Variants in USP34 observed in about 807,000 individuals in gnomAD.
USP34 encodes ubiquitin specific peptidase 34, also known as ubiquitin carboxyl-terminal hydrolase 34.
A neutral mutation model predicts 460.3 loss-of-function variants in USP34; 70 were observed. The ratio of observed to expected loss-of-function variants is 0.15; its 90% confidence interval spans 0.13 to 0.19. USP34 has a LOEUF of 0.19. Among genes scored for constraint, USP34 ranks in the 10% least tolerant of loss-of-function variants. The probability of loss-of-function intolerance (pLI) is 1.00; values close to 1 mark genes in which losing one functional copy is unlikely to be tolerated. For missense variants in USP34, 3,985 were observed against 4,236.2 expected, an observed-to-expected ratio of 0.94 and a Z score of 1.65; for synonymous variants, 1,647 against 1,405.3, an observed-to-expected ratio of 1.17 and a Z score of -3.85.
chr2:61,424,224 C>T (rs138291157), intron 1 of USP34, among the ~76,000 whole-genome samples: 302 of 152,254 alleles, frequency 2.0e-3, no homozygotes, highest in Non-Finnish European at 3.3e-3. Context: ...TCCCATTGCT[C>T]CTAGGCTACA....
intron 7 of USP34, among the ~76,000 whole-genome samples, chr2:61,379,039 G>A (rs1364065065): frequency 6.7e-6 from 1 of 149,886 alleles, no homozygotes; most frequent in Non-Finnish European, 1.5e-5. Flanking sequence ...TAACGCAAGA[G>A]AGCAAGTAAT....
At chr2:61,232,355 A>T in intron 58 of USP34, 97 bp downstream of exon 58, 2 of 1,008,426 alleles carry the variant, frequency 2.0e-6, no homozygotes, top group Non-Finnish European at 3.0e-6. Flanking sequence ...ACTATTATCA[A>T]TATTAGGTTA....
In USP34 at chr2:61,229,643, A is replaced by C; in HGVS notation, c.7114-10T>G. On this transcript the variant is annotated splice_polypyrimidine_tract_variant and intron_variant, in intron 58 of 79. Coordinates refer to ENST00000398571, the MANE Select transcript of USP34 (RefSeq NM_014709.4). ...ACAAACGCTGAAACATCTGTGAAGA[A>C]AGAAAAAGATCAAACAAGAGCCAAC... 2 of 1,609,116 alleles carry C rather than the reference A, an allele frequency of 1.2e-6. No individual in the cohort carries two copies. Among genetic ancestry groups the C allele is most frequent in the East Asian group, 2.2e-5 (1 of 44,786 alleles).
chr2:61,419,543 G>A (rs568200211), intron 2 of USP34, among the ~76,000 whole-genome samples: 1 of 152,022 alleles, frequency 6.6e-6, no homozygotes, highest in Non-Finnish European at 1.5e-5. Context: ...ATTAGGAATG[G>A]GAACATATAA....
chr2:61,323,761 T>C (rs1193172209), intron 21 of USP34, among the ~76,000 whole-genome samples: 1 of 152,236 alleles, frequency 6.6e-6, no homozygotes, highest in Admixed American at 6.5e-5. Context: ...GGTATCTATG[T>C]TGACTATATG....
intron 3 of USP34, among the ~76,000 whole-genome samples, chr2:61,403,023 C>A (rs534893921): frequency 6.6e-6 from 1 of 151,956 alleles, no homozygotes; most frequent in Non-Finnish European, 1.5e-5. Flanking sequence ...ATAGAAACCT[C>A]GGAAACAACT....
intron 39 of USP34, among the ~76,000 whole-genome samples, chr2:61,279,136 A>T (rs924195664): frequency 6.6e-6 from 1 of 152,018 alleles, no homozygotes; most frequent in Non-Finnish European, 1.5e-5. Context: ...TTTGGCATCA[A>T]TATTTTAATT....
At position 61,293,977 on chromosome 2, in the gene USP34, T is replaced by A. The variant is rs1210234200; in HGVS notation, c.4462-427A>T. ...CTGCAGTCAGCCATGATCATGCCAC[T>A]GCAATCCAGCCTGGGTGACAAGGTG... On this transcript the variant is annotated intron_variant, in intron 32 of 79. Transcript: ENST00000398571. 2.0e-5 allele frequency among the ~76,000 whole-genome samples: 3 copies of A among 151,998 alleles called. No individual in the cohort carries two copies. In the East Asian group the frequency reaches 5.8e-4, roughly 29 times the overall value.
intron 29 of USP34, among the ~76,000 whole-genome samples, chr2:61,298,771 T>C (rs1690125636): frequency 6.8e-6 from 1 of 147,702 alleles, no homozygotes; most frequent in Non-Finnish European, 1.5e-5. Context: ...CCAGCCATAA[T>C]GATGGATTAA....
chr2:61,199,935 T>C (rs1166872716), intron 75 of USP34: 1 of 152,386 alleles, frequency 6.6e-6, no homozygotes. Flanking sequence ...GAAGTATCTA[T>C]TAAATTCTAA....
intron 66 of USP34, 27 bp from the exon 67 acceptor site, chr2:61,220,484 T>A (rs1300891583): frequency 1.3e-6 from 2 of 1,568,822 alleles, no homozygotes; most frequent in East Asian, 4.7e-5. Context: ...AAGAACAGAA[T>A]ATAAGGCCAA....
At chr2:61,229,737 A>C in intron 58 of USP34, 104 bp from the exon 59 acceptor site, 1 of 970,658 alleles carries the variant, frequency 1.0e-6, no homozygotes, top group South Asian at 1.6e-5. Flanking sequence ...TATAGTTTGC[A>C]CAAGATTATC....
intron 44 of USP34, among the ~76,000 whole-genome samples, chr2:61,258,843 T>C (rs1688793653): frequency 6.6e-6 from 1 of 152,178 alleles, no homozygotes; most frequent in African/African-American, 2.4e-5. Flanking sequence ...GCTGCAAGCA[T>C]AAAAGGGGAG....
intron 2 of USP34, among the ~76,000 whole-genome samples, chr2:61,419,659 A>G (rs1294398248): frequency 6.6e-6 from 1 of 152,184 alleles, no homozygotes; most frequent in African/African-American, 2.4e-5. Flanking sequence ...TCCTGAAATC[A>G]GAAGTGTAGA....
chr2:61,421,642 C>T (rs1455563489), intron 1 of USP34, among the ~76,000 whole-genome samples: 1 of 152,130 alleles, frequency 6.6e-6, no homozygotes, highest in Non-Finnish European at 1.5e-5. Context: ...TCTCTTTAAT[C>T]CCAAGAAATC....
rs773973289 is a variant in USP34, at chr2:61,296,935, T to C, written c.4129-10A>G. On this transcript the variant is annotated splice_polypyrimidine_tract_variant and intron_variant, in intron 29 of 79. Transcript: ENST00000398571. ...CTTCACATCGTAAGCTCTACACAAA[T>C]AAGAACAACTACTTTATCAAAACAG... 3.1e-6 allele frequency: 5 copies of C among 1,604,630 alleles called. No individual in the cohort carries two copies. The highest frequency in any genetic ancestry group is 3.5e-5 in the Admixed American group (2 of 57,110).
intron 20 of USP34, among the ~76,000 whole-genome samples, chr2:61,329,582 G>A (rs998898539): frequency 2.6e-5 from 4 of 152,088 alleles, no homozygotes; most frequent in Non-Finnish European, 5.9e-5. Flanking sequence ...TATAAAACTG[G>A]AAAGGTTGAG....
intron 5 of USP34, among the ~76,000 whole-genome samples, chr2:61,387,639 T>C (rs989343859): frequency 2.0e-5 from 3 of 146,622 alleles, no homozygotes; most frequent in South Asian, 2.1e-4. Context: ...TATACACACA[T>C]ATATAAAAAT....
chr2:61,269,148 T>C (rs920325047), intron 41 of USP34, among the ~76,000 whole-genome samples: 1 of 151,932 alleles, frequency 6.6e-6, no homozygotes, highest in African/African-American at 2.4e-5. Flanking sequence ...TAGGAAAAAA[T>C]TTAGCTAAGT....
Sources: gnomAD v4.1 joint callset for allele counts (sites outside exome capture counted in the v4.1 genomes callset) on GRCh38, gnomAD v4.1.1 for gene constraint, MANE v1.5 for transcripts, NCBI Gene and HGNC (gene_info 2026-07-23, HGNC 2026-07-21) for gene names.